MIS18A: variants seen among roughly 807,000 people sequenced by gnomAD.
The protein encoded by MIS18A is protein Mis18-alpha.
MIS18A carries 14 observed loss-of-function variants against 25.0 expected under a neutral mutation model. The ratio of observed to expected loss-of-function variants is 0.56; its 90% confidence interval spans 0.37 to 0.88. The LOEUF is 0.88. Ranked by LOEUF, MIS18A falls within the 40% of genes least tolerant of loss-of-function variation. The pLI, the probability that MIS18A is intolerant of heterozygous loss-of-function variation, is 0.00. For missense variants in MIS18A, 292 were observed against 290.8 expected (o/e 1.00, Z -0.03); for synonymous variants, 134 against 118.6 (o/e 1.13, Z -0.84).
intron 2 of MIS18A, among the ~76,000 whole-genome samples, chr21:32,271,159 G>A (rs543962295): frequency 6.6e-6 from 1 of 152,112 alleles, no homozygotes; most frequent in Non-Finnish European, 1.5e-5. Flanking sequence ...CTTAAAACCT[G>A]GCTTAGAATC....
chr21:32,194,242 A>T, the MIS18A span, among the ~76,000 whole-genome samples: 81 of 152,336 alleles, frequency 5.3e-4, no homozygotes, highest in Middle Eastern at 3.4e-3. Flanking sequence ...ACTTTTGTTT[A>T]TCACAGCACT....
chr21:32,235,132 G>C, the MIS18A span, among the ~76,000 whole-genome samples: 1 of 152,146 alleles, frequency 6.6e-6, no homozygotes, highest in Non-Finnish European at 1.5e-5. Flanking sequence ...ATTGCTCCCA[G>C]GTCCCTTTTA....
chr21:32,212,534 G>A, the MIS18A span, among the ~76,000 whole-genome samples: 384 of 152,286 alleles, frequency 2.5e-3, 2 homozygotes, highest in Non-Finnish European at 3.9e-3. Flanking sequence ...CAGGTGTGCC[G>A]TGACTGAGGA....
At chr21:32,204,970 G>A in the MIS18A span, among the ~76,000 whole-genome samples, 1 of 152,228 alleles carries the variant, frequency 6.6e-6, no homozygotes, top group African/African-American at 2.4e-5. Flanking sequence ...AAGGATAAAT[G>A]GCATAGCCTC....
chr21:32,265,737 A>G (rs566267622), downstream of MIS18A, among the ~76,000 whole-genome samples: 36 of 152,382 alleles, frequency 2.4e-4, no homozygotes, highest in East Asian at 1.5e-3. Context: ...CAGGACGGGC[A>G]GGCAGCTCCA....
downstream of MIS18A, among the ~76,000 whole-genome samples, chr21:32,267,670 T>A (rs139745407): frequency 7.0e-3 from 1,062 of 152,306 alleles, 14 homozygotes; most frequent in African/African-American, 0.023. Flanking sequence ...GAGAGTCAGC[T>A]GAGTCTTGTG....
At chr21:32,213,592 T>C in the MIS18A span, among the ~76,000 whole-genome samples, 1 of 152,204 alleles carries the variant, frequency 6.6e-6, no homozygotes, top group South Asian at 2.1e-4. Context: ...CTCTGTACCC[T>C]TTTCTACCTT....
chr21:32,274,732 G>C, intron 2 of MIS18A, 98 bp downstream of exon 2: 1 of 956,688 alleles, frequency 1.0e-6, no homozygotes, highest in Non-Finnish European at 1.6e-6. Context: ...ATCATGAAAA[G>C]TTTTATCCCA....
downstream of MIS18A, among the ~76,000 whole-genome samples, chr21:32,266,660 C>T (rs372298562): frequency 2.6e-5 from 4 of 151,912 alleles, no homozygotes; most frequent in Admixed American, 6.6e-5. Flanking sequence ...ACCAAGACCA[C>T]GAACCCACCA....
the MIS18A span, among the ~76,000 whole-genome samples, chr21:32,217,657 C>T: frequency 6.6e-6 from 1 of 152,182 alleles, no homozygotes; most frequent in Non-Finnish European, 1.5e-5. Flanking sequence ...GAGACTCACA[C>T]AGAGACTCAT....
At chr21:32,255,583 C>G in the MIS18A span, among the ~76,000 whole-genome samples, 7 of 148,224 alleles carry the variant, frequency 4.7e-5, no homozygotes, top group Non-Finnish European at 1.0e-4. Flanking sequence ...GAAGACCCAT[C>G]TAGTTAAAGA....
the MIS18A span, among the ~76,000 whole-genome samples, chr21:32,182,911 G>A: frequency 2.0e-5 from 3 of 152,192 alleles, no homozygotes; most frequent in Admixed American, 6.6e-5. Context: ...AGACGTACAC[G>A]TTAGTAGACC....
chr21:32,164,400 T>C, the MIS18A span, among the ~76,000 whole-genome samples: 1 of 152,204 alleles, frequency 6.6e-6, no homozygotes, highest in East Asian at 1.9e-4. Context: ...AAGCACACTT[T>C]CTTTTTTCAT....
the MIS18A span, among the ~76,000 whole-genome samples, chr21:32,158,437 G>A: frequency 6.6e-6 from 1 of 151,102 alleles, no homozygotes; most frequent in Admixed American, 6.6e-5. Context: ...CGCTTTTTTA[G>A]TATTAAAGAC....
the MIS18A span, among the ~76,000 whole-genome samples, chr21:32,238,912 C>A: frequency 1.3e-5 from 2 of 152,116 alleles, no homozygotes; most frequent in Non-Finnish European, 2.9e-5. Context: ...TCTAAATAAT[C>A]ATTCCAACCT....
At chr21:32,226,269 T>C in the MIS18A span, among the ~76,000 whole-genome samples, 1 of 132,868 alleles carries the variant, frequency 7.5e-6, no homozygotes, top group Admixed American at 7.4e-5. Flanking sequence ...ACCCTAAAAC[T>C]TAAAGTATAA....
the MIS18A span, among the ~76,000 whole-genome samples, chr21:32,177,836 G>A: frequency 1.6e-4 from 25 of 152,016 alleles, no homozygotes; most frequent in Admixed American, 2.6e-4. Flanking sequence ...TCAATATTAT[G>A]CAGATGTCAG....
the MIS18A span, among the ~76,000 whole-genome samples, chr21:32,213,394 TA>T: frequency 2.0e-5 from 3 of 152,232 alleles, no homozygotes; most frequent in Admixed American, 1.3e-4. Context: ...TAATATAAAG[TA>T]AAAAAAGAAA....
At chr21:32,203,713 C>T in the MIS18A span, among the ~76,000 whole-genome samples, 2 of 143,648 alleles carry the variant, frequency 1.4e-5, no homozygotes, top group South Asian at 4.4e-4. Context: ...AATTTCTGGG[C>T]TCAAGTGATC....
Sources: allele counts gnomAD v4.1 joint callset (sites outside exome capture counted in the v4.1 genomes callset), GRCh38; gene constraint gnomAD v4.1.1; transcripts MANE v1.5; gene names NCBI Gene and HGNC (gene_info 2026-07-23, HGNC 2026-07-21).